CWC27: variants seen among roughly 807,000 people sequenced by gnomAD.
CWC27 encodes CWC27 spliceosome associated cyclophilin.
In CWC27, 47 loss-of-function variants were observed where a neutral mutation model predicts 63.6. The ratio of observed to expected loss-of-function variants is 0.74; its 90% confidence interval spans 0.58 to 0.94. The LOEUF (loss-of-function observed/expected upper bound fraction) is 0.94, where lower values mean the gene tolerates loss of function less well. CWC27 is among the 40% of genes least tolerant of loss of function. CWC27 has a pLI of 0.00. For missense variants in CWC27, 495 were observed against 554.3 expected (o/e 0.89, Z 1.07); for synonymous variants, 175 against 179.8 (o/e 0.97, Z 0.22).
At chr5:64,932,571 A>G (rs1748260202) in intron 11 of CWC27, among the ~76,000 whole-genome samples, 1 of 152,154 alleles carries the variant, frequency 6.6e-6, no homozygotes, top group Admixed American at 6.5e-5. Flanking sequence ...ACAGGATTAT[A>G]GGGCTGGGAT....
intron 10 of CWC27, among the ~76,000 whole-genome samples, chr5:64,815,467 C>T (rs1216772428): frequency 2.0e-5 from 3 of 152,160 alleles, no homozygotes; most frequent in Non-Finnish European, 2.9e-5. Context: ...CAAGTTATAT[C>T]GTTAAGCCTG....
At position 64,935,555 on chromosome 5, in the gene CWC27, C is replaced by T. The variant is rs563932952; in HGVS notation, c.1043-36148C>T. 9.9e-4 allele frequency among the ~76,000 whole-genome samples: 151 copies of T among 152,254 alleles called. 1 individual carries two copies. Among genetic ancestry groups the T allele is most frequent in the African/African-American group, 3.5e-3 (145 of 41,550 alleles). On this transcript the variant is annotated intron_variant, in intron 11 of 13. Coordinates refer to ENST00000381070, the MANE Select transcript of CWC27 (RefSeq NM_005869.4). ...GTAGCATGATGGCTCCAGCTTTGTTCTTTTTGCTTAGGATTGTCTTGGCTA... is the reference window on the plus strand; with the variant it reads ...GTAGCATGATGGCTCCAGCTTTGTTTTTTTTGCTTAGGATTGTCTTGGCTA...
chr5:64,895,379 A>G (rs1052292188), intron 11 of CWC27, among the ~76,000 whole-genome samples: 3 of 152,156 alleles, frequency 2.0e-5, no homozygotes, highest in African/African-American at 7.2e-5. Flanking sequence ...GAGGGACATC[A>G]TGGTCACTTT....
At chr5:64,970,831 T>C (rs967747019) in intron 11 of CWC27, among the ~76,000 whole-genome samples, 1 of 152,150 alleles carries the variant, frequency 6.6e-6, no homozygotes, top group Non-Finnish European at 1.5e-5. Context: ...TTCATGATGT[T>C]CCTCAAGCTA....
At chr5:64,895,895 T>C (rs1031930326) in intron 11 of CWC27, among the ~76,000 whole-genome samples, 2 of 152,082 alleles carry the variant, frequency 1.3e-5, no homozygotes, top group Admixed American at 6.5e-5. Flanking sequence ...CAAAAACAGA[T>C]TGGAAACCTG....
chr5:64,973,264 T>C lies in CWC27; in HGVS notation c.1152+1452T>C, dbSNP rs528121608. ...TTATCCTAAAGGCCATGGGGAACCA[T>C]TGACAGAAGGAAGTGATATGATCTC... On this transcript the variant is annotated intron_variant, in intron 12 of 13. Transcript: ENST00000381070. 3.9e-5 allele frequency among the ~76,000 whole-genome samples: 6 copies of C among 152,296 alleles called. No homozygotes were observed. In the South Asian group the frequency reaches 1.0e-3, roughly 26 times the overall value.
intron 11 of CWC27, among the ~76,000 whole-genome samples, chr5:64,920,304 A>C (rs1344380692): frequency 6.6e-6 from 1 of 152,068 alleles, no homozygotes; most frequent in East Asian, 1.9e-4. Flanking sequence ...AACCAACCTT[A>C]CATTCCAGGG....
intron 11 of CWC27, among the ~76,000 whole-genome samples, chr5:64,960,865 A>C (rs1389464000): frequency 6.6e-6 from 1 of 151,048 alleles, no homozygotes; most frequent in Non-Finnish European, 1.5e-5. Context: ...CTCCCACCTC[A>C]GCCTCCTGAG....
chr5:64,772,987 G>C (rs191956428), intron 1 of CWC27, among the ~76,000 whole-genome samples: 2 of 150,220 alleles, frequency 1.3e-5, no homozygotes, highest in Admixed American at 1.3e-4. Flanking sequence ...TTTTCATAAC[G>C]ACTAGCCAAA....
chr5:64,807,029 G>T lies in CWC27; in HGVS notation c.938+2643G>T, dbSNP rs544445715. Reference sequence around the variant, plus strand: ...CACTGCTCAGTTTGAGTTATAATGGGTATAGCTGCCAGCCAGATAGGATGT... The same window carrying T: ...CACTGCTCAGTTTGAGTTATAATGGTTATAGCTGCCAGCCAGATAGGATGT... On this transcript the variant is annotated intron_variant, in intron 10 of 13. Transcript: ENST00000381070. Among the ~76,000 whole-genome samples the T allele has an allele frequency of 1.7e-4, 26 of 152,168 alleles. No individual in the cohort carries two copies. In the South Asian group the frequency reaches 3.9e-3, roughly 23 times the overall value.
rs149929520 is a variant in CWC27, at chr5:64,804,332, C to T, written c.884C>T (p.Ala295Val). Residue 295 changes from alanine to valine, a missense_variant, in exon 10 of 14, where the codon GCG becomes GTG. By Grantham distance (64) the Ala-to-Val change is moderately conservative (BLOSUM62 0). This residue lies in a region of CWC27 where 463 missense variants were observed against 498.1 expected (regional missense o/e 0.93). Coordinates refer to ENST00000381070, the MANE Select transcript of CWC27 (RefSeq NM_005869.4). ...IAKKLKKDTSANVKSAGEGEV... is the reference protein window; with the variant it reads ...IAKKLKKDTSVNVKSAGEGEV... ...AAAAAATTAAAAAAGGACACAAGTG[C>T]GAATGTTAAATCAGCTGGAGAAGGA... 1.8e-4 allele frequency: 293 copies of T among 1,612,374 alleles called. No individual in the cohort carries two copies. The highest frequency in any genetic ancestry group is 2.4e-4 in the Non-Finnish European group (284 of 1,179,300).
chr5:64,902,252 A>G (rs964469368), intron 11 of CWC27, among the ~76,000 whole-genome samples: 1 of 152,228 alleles, frequency 6.6e-6, no homozygotes, highest in African/African-American at 2.4e-5. Context: ...CTACAAATGC[A>G]TGAGTAATGT....
chr5:64,831,549 T>TA (rs1745521425), intron 10 of CWC27, among the ~76,000 whole-genome samples: 1 of 151,902 alleles, frequency 6.6e-6, no homozygotes, highest in Non-Finnish European at 1.5e-5. Context: ...TAGATATAGA[T>TA]ATTTACTTTA....
chr5:64,963,690 G>A (rs1002918290), intron 11 of CWC27, among the ~76,000 whole-genome samples: 2 of 152,160 alleles, frequency 1.3e-5, no homozygotes, highest in African/African-American at 4.8e-5. Flanking sequence ...TGCAGTCCAG[G>A]TGGAATCTTA....
intron 11 of CWC27, among the ~76,000 whole-genome samples, chr5:64,928,470 A>G (rs1748164776): frequency 6.6e-6 from 1 of 152,198 alleles, no homozygotes; most frequent in Non-Finnish European, 1.5e-5. Context: ...TTAGGGGAAA[A>G]GTCATAATTT....
chr5:64,884,275 A>T (rs1284832486), intron 10 of CWC27: 5 of 152,088 alleles, frequency 3.3e-5, no homozygotes, highest in Admixed American at 2.6e-4. Context: ...AAGGCTGAAA[A>T]AGTTAAAAAG....
chr5:64,966,968 A>C (rs1480240245), intron 11 of CWC27, among the ~76,000 whole-genome samples: 1 of 152,064 alleles, frequency 6.6e-6, no homozygotes, highest in Non-Finnish European at 1.5e-5. Flanking sequence ...GTGAGTCTTG[A>C]TGTGAGAATT....
At chr5:64,842,691 C>T (rs1745876487) in intron 10 of CWC27, among the ~76,000 whole-genome samples, 1 of 152,022 alleles carries the variant, frequency 6.6e-6, no homozygotes, top group African/African-American at 2.4e-5. Context: ...CCTCCGCTTC[C>T]CAGGCTCAAG....
At chr5:64,787,652 A>C (rs575311783) in intron 6 of CWC27, among the ~76,000 whole-genome samples, 1 of 152,154 alleles carries the variant, frequency 6.6e-6, no homozygotes, top group Admixed American at 6.5e-5. Context: ...GGAATGAAAA[A>C]ATAAATTTCA....
Sources: allele counts gnomAD v4.1 joint callset (sites outside exome capture counted in the v4.1 genomes callset), GRCh38; gene constraint gnomAD v4.1.1; regional missense constraint gnomAD v4.1.1; transcripts MANE v1.5; gene names NCBI Gene and HGNC (gene_info 2026-07-23, HGNC 2026-07-21).